Variants in RORA observed in about 807,000 individuals in gnomAD.
RORA encodes the protein RAR related orphan receptor A, also known as nuclear receptor ROR-alpha.
RORA carries 7 observed loss-of-function variants against 69.5 expected under a neutral mutation model. That is an observed-to-expected ratio of 0.10 (90% CI 0.06 to 0.19). RORA has a LOEUF of 0.19. Among genes scored for constraint, RORA ranks in the 10% least tolerant of loss-of-function variants. The probability of loss-of-function intolerance (pLI) is 1.00; values close to 1 mark genes in which losing one functional copy is unlikely to be tolerated. For synonymous variants in RORA, 261 were observed against 240.8 expected, an observed-to-expected ratio of 1.08 and a Z score of -0.78; for missense variants, 457 against 663.0, an observed-to-expected ratio of 0.69 and a Z score of 3.41.
intron 2 of RORA, among the ~76,000 whole-genome samples, chr15:60,542,585 TCA>T (rs757111557): frequency 6.3e-3 from 598 of 94,342 alleles, no homozygotes; most frequent in Non-Finnish European, 8.7e-3. Context: ...CATGCACACC[TCA>T]CACACACGGC....
intron 1 of RORA, among the ~76,000 whole-genome samples, chr15:60,785,131 A>G (rs1361106048): frequency 6.6e-6 from 1 of 152,258 alleles, no homozygotes; most frequent in East Asian, 1.9e-4. Context: ...ACCCACTTGT[A>G]CATTCATTAC....
rs887363881 is a variant in RORA, at chr15:61,206,171, T to C, written c.166+22882A>G. 3.6e-4 allele frequency among the ~76,000 whole-genome samples: 14 copies of C among 39,250 alleles called. 1 individual carries two copies. In the East Asian group the frequency reaches 5.2e-3, roughly 15 times the overall value. The allele number at this position is 39,250 out of a possible 152,430, so 25.7% of individuals were successfully genotyped here. ...CTTATTAACTCATTGAGGATGCAGA[T>C]AATACTTTATTTAATCTTTGTAACC... On this transcript the variant is annotated intron_variant, in intron 1 of 10. Coordinates refer to ENST00000335670, the MANE Select transcript of RORA (RefSeq NM_134261.3).
intron 1 of RORA, among the ~76,000 whole-genome samples, chr15:60,911,349 G>T (rs1194236551): frequency 5.9e-5 from 9 of 152,044 alleles, no homozygotes; most frequent in Non-Finnish European, 4.4e-5. Flanking sequence ...CACACCTTCT[G>T]CTCTCAAGGC....
intron 1 of RORA, among the ~76,000 whole-genome samples, chr15:60,697,859 C>T (rs2070927929): frequency 6.6e-6 from 1 of 152,154 alleles, no homozygotes; most frequent in Admixed American, 6.5e-5. Flanking sequence ...ATTCACGGCT[C>T]CTCTGGGAGA....
chr15:60,697,585 A>T (rs2070923318), intron 1 of RORA, among the ~76,000 whole-genome samples: 1 of 150,298 alleles, frequency 6.7e-6, no homozygotes, highest in Non-Finnish European at 1.5e-5. Flanking sequence ...TTTTCCAAAC[A>T]CTGGAAACTT....
At chr15:61,135,239 G>T in intron 1 of RORA, among the ~76,000 whole-genome samples, 1 of 151,580 alleles carries the variant, frequency 6.6e-6, no homozygotes, top group Middle Eastern at 3.2e-3. Context: ...GCTGAGGCAT[G>T]AGAAACACTT....
chr15:60,899,767 T>C (rs1194079600), intron 1 of RORA, among the ~76,000 whole-genome samples: 1 of 152,228 alleles, frequency 6.6e-6, no homozygotes, highest in East Asian at 1.9e-4. Context: ...AGGATGGAGT[T>C]TGAGTAATCT....
intron 1 of RORA, among the ~76,000 whole-genome samples, chr15:60,842,734 AC>A (rs1272645891): frequency 1.4e-5 from 2 of 141,858 alleles, no homozygotes; most frequent in East Asian, 2.1e-4. Context: ...TGTCATGGTC[AC>A]CCCCTCCCAA....
chr15:60,889,933 A>T (rs183835430), intron 1 of RORA, among the ~76,000 whole-genome samples: 2 of 152,370 alleles, frequency 1.3e-5, no homozygotes, highest in Admixed American at 1.3e-4. Context: ...CTTGTGACAC[A>T]CAAAGAATAA....
chr15:60,879,379 G>C (rs1258588143), intron 1 of RORA, among the ~76,000 whole-genome samples: 3 of 152,006 alleles, frequency 2.0e-5, no homozygotes, highest in Non-Finnish European at 4.4e-5. Context: ...TCATAGGACT[G>C]TTGGGTAGAG....
chr15:60,562,181 C>T (rs1393520391), intron 2 of RORA, among the ~76,000 whole-genome samples: 3 of 152,074 alleles, frequency 2.0e-5, no homozygotes, highest in Admixed American at 6.6e-5. Flanking sequence ...GTGATCTGCC[C>T]GCCTTGACCT....
chr15:60,659,361 C>T (rs1312877338), intron 2 of RORA, among the ~76,000 whole-genome samples: 2 of 152,146 alleles, frequency 1.3e-5, no homozygotes, highest in African/African-American at 2.4e-5. Context: ...CCTGAGAAAA[C>T]GTCCTCATCT....
At chr15:60,572,399 C>T (rs991568901) in intron 2 of RORA, among the ~76,000 whole-genome samples, 1 of 152,014 alleles carries the variant, frequency 6.6e-6, no homozygotes, top group African/African-American at 2.4e-5. Flanking sequence ...CTTGAATGCT[C>T]TGGGCATAGT....
At chr15:61,077,134 G>A (rs951561176) in intron 1 of RORA, among the ~76,000 whole-genome samples, 3 of 151,830 alleles carry the variant, frequency 2.0e-5, no homozygotes, top group African/African-American at 4.8e-5. Flanking sequence ...CTTAAAGCAC[G>A]GCTTGAGATA....
intron 3 of RORA, chr15:60,529,097 G>T (rs2066452754): frequency 6.6e-6 from 1 of 152,180 alleles, no homozygotes; most frequent in South Asian, 2.1e-4. Flanking sequence ...AATTAAACAG[G>T]TCCTCTAGTT....
intron 1 of RORA, among the ~76,000 whole-genome samples, chr15:60,927,549 G>A (rs985433886): frequency 6.6e-6 from 1 of 152,158 alleles, no homozygotes; most frequent in African/African-American, 2.4e-5. Flanking sequence ...GAGGTGGGTG[G>A]ATCACTTGAG....
At chr15:60,987,225 C>T (rs16943435) in intron 1 of RORA, among the ~76,000 whole-genome samples, 33,393 of 152,050 alleles carry the variant, frequency 0.22, 3,901 homozygotes, top group African/African-American at 0.28. Flanking sequence ...ATGGTGTCTC[C>T]TTATTGTTGG....
At chr15:60,860,816 A>G (rs540226783) in intron 1 of RORA, among the ~76,000 whole-genome samples, 30 of 152,342 alleles carry the variant, frequency 2.0e-4, no homozygotes, top group African/African-American at 6.7e-4. Context: ...TGCTAGGGTA[A>G]TGGAGATTCA....
intron 3 of RORA, among the ~76,000 whole-genome samples, chr15:60,524,989 A>C (rs72748705): frequency 0.061 from 9,311 of 152,266 alleles, 431 homozygotes; most frequent in Non-Finnish European, 0.092. Context: ...ATCTTATTCC[A>C]AAGGCCATAG....
Sources: gnomAD v4.1 joint callset for allele counts (sites outside exome capture counted in the v4.1 genomes callset) on GRCh38, gnomAD v4.1.1 for gene constraint, MANE v1.5 for transcripts, NCBI Gene and HGNC (gene_info 2026-07-23, HGNC 2026-07-21) for gene names.